The following KANK2 variants were observed in gnomAD, a reference collection of about 807,000 sequenced individuals.
KANK2 encodes the protein KN motif and ankyrin repeat domains 2, also known as KN motif and ankyrin repeat domain-containing protein 2.
KANK2 carries 41 observed loss-of-function variants against 74.6 expected under a neutral mutation model. That is an observed-to-expected ratio of 0.55 (90% CI 0.43 to 0.71). KANK2 has a LOEUF of 0.71. Among genes scored for constraint, KANK2 ranks in the 30% least tolerant of loss-of-function variants. The pLI, the probability that KANK2 is intolerant of heterozygous loss-of-function variation, is 0.00. For synonymous variants in KANK2, 537 were observed against 519.0 expected, an observed-to-expected ratio of 1.03 and a Z score of -0.47; for missense variants, 1,148 against 1,196.4, an observed-to-expected ratio of 0.96 and a Z score of 0.60.
At chr19:11,168,327 C>T (rs1350358344) in intron 12 of KANK2, among the ~76,000 whole-genome samples, 1 of 150,894 alleles carries the variant, frequency 6.6e-6, no homozygotes, top group African/African-American at 2.4e-5. Flanking sequence ...TTTTCCCAGA[C>T]AAGGCGGCAC....
chr19:11,175,347 G>A (rs1205957384), intron 8 of KANK2, among the ~76,000 whole-genome samples: 1 of 134,302 alleles, frequency 7.4e-6, no homozygotes, highest in African/African-American at 2.8e-5. Context: ...AGAATTGCTT[G>A]AACCTGGGAG....
chr19:11,184,271 G>A (rs1385132247), intron 4 of KANK2, among the ~76,000 whole-genome samples: 1 of 150,076 alleles, frequency 6.7e-6, no homozygotes, highest in Non-Finnish European at 1.5e-5. Flanking sequence ...AGCTACTCGG[G>A]AGGATGAGGC....
In KANK2 at chr19:11,193,119, G is replaced by T. The variant is rs753113059; in HGVS notation, c.961C>A (p.Pro321Thr). Residue 321 changes from proline to threonine, a missense_variant, in exon 4 of 13, where the codon CCG (proline) becomes ACG (threonine). By Grantham distance (38) the Pro-to-Thr change is conservative. Transcript: ENST00000586659. This position sits in a 1 kb window ranked among gnomAD's most constrained non-coding sequence, Gnocchi z 9.6. ...ADPQPQAWPP[P>T]DSPVRVDTVR... ...GTATCCACGCGGACCGGGCTGTCCG[G>T]CGGTGGCCAGGCCTGGGGCTGGGGG... is the stretch of plus-strand genomic sequence containing the variant. 5 of 1,606,036 alleles carry T rather than the reference G, an allele frequency of 3.1e-6. No individual in the cohort carries two copies. In the African/African-American group the frequency reaches 6.7e-5, roughly 21 times the overall value.
At chr19:11,182,561 A>AAAAC (rs766300556) in intron 4 of KANK2, among the ~76,000 whole-genome samples, 8 of 143,632 alleles carry the variant, frequency 5.6e-5, no homozygotes, top group African/African-American at 1.3e-4. Flanking sequence ...CAAAACAAAA[A>AAAAC]AGCCAGGCGC....
chr19:11,169,195 G>A (rs1045779350), intron 12 of KANK2, among the ~76,000 whole-genome samples: 1 of 152,016 alleles, frequency 6.6e-6, no homozygotes, highest in Non-Finnish European at 1.5e-5. Context: ...AAAATTAGCC[G>A]GGCATGGTGG....
At chr19:11,167,011 G>A (rs1275184578) in intron 12 of KANK2, among the ~76,000 whole-genome samples, 1 of 152,168 alleles carries the variant, frequency 6.6e-6, no homozygotes, top group Non-Finnish European at 1.5e-5. Flanking sequence ...ACAGTAGTGG[G>A]GAAGGTGAGG....
At position 11,182,310 on chromosome 19, in the gene KANK2, G is replaced by C. The variant is rs1041483400; in HGVS notation, c.1250-3590C>G. ...AGGCAGGAGGATCGCTTGAGGCCAG[G>C]AGTTCAAGACCAGCCTGGGCAACAT... On this transcript the variant is annotated intron_variant, in intron 4 of 12. Transcript: ENST00000586659. Among the ~76,000 whole-genome samples the C allele has an allele frequency of 2.0e-5, 3 of 151,816 alleles. No individual in the cohort carries two copies. In the South Asian group the frequency reaches 6.2e-4, roughly 32 times the overall value.
chr19:11,172,748 C>T (rs1325580210), intron 10 of KANK2, among the ~76,000 whole-genome samples: 7 of 152,190 alleles, frequency 4.6e-5, no homozygotes, highest in African/African-American at 1.4e-4. Flanking sequence ...AACCCAGCTG[C>T]TGCTCAATGA....
At chr19:11,195,306 G>A (rs1036685354) in intron 2 of KANK2, 3 of 152,238 alleles carry the variant, frequency 2.0e-5, no homozygotes, top group African/African-American at 7.2e-5. Flanking sequence ...AGGAAGTCCT[G>A]GGGGTGGAGG....
intron 10 of KANK2, 78 bp downstream of exon 10, chr19:11,172,903 G>C: frequency 6.6e-7 from 1 of 1,518,232 alleles, no homozygotes; most frequent in Non-Finnish European, 9.0e-7. Flanking sequence ...GACCACCTGG[G>C]TTTGGGCCTG....
rs1291608546 is a variant in KANK2 at position 11,170,629 on chromosome 19, G to T, written c.2212-381C>A. On this transcript the variant is annotated intron_variant, in intron 10 of 12. Coordinates refer to ENST00000586659, the MANE Select transcript of KANK2 (RefSeq NM_001136191.3). The surrounding 1 kb of genome is among the most constrained non-coding windows in gnomAD (Gnocchi z 5.2). Reference sequence around the variant, plus strand: ...TTTAGAGACAGGGTCTTGCTCTGTTGCCCAGGTTGGCGTGCAGTGGCACGA... The same window carrying T: ...TTTAGAGACAGGGTCTTGCTCTGTTTCCCAGGTTGGCGTGCAGTGGCACGA... 6.6e-6 allele frequency among the ~76,000 whole-genome samples: 1 copy of T among 152,152 alleles called. No homozygotes were observed. The highest frequency in any genetic ancestry group is 2.4e-5 in the African/African-American group (1 of 41,434).
At chr19:11,177,571 C>T (rs2078381888) in intron 6 of KANK2, among the ~76,000 whole-genome samples, 2 of 152,076 alleles carry the variant, frequency 1.3e-5, no homozygotes, top group Non-Finnish European at 2.9e-5. Flanking sequence ...AGGCTTGTCT[C>T]GAACTCCTGA....
At chr19:11,168,284 A>C (rs2078079566) in intron 12 of KANK2, among the ~76,000 whole-genome samples, 1 of 150,586 alleles carries the variant, frequency 6.6e-6, no homozygotes, top group South Asian at 2.1e-4. Context: ...GATTACAGGC[A>C]TGAGCCACCA....
At chr19:11,185,119 A>G (rs1393324166) in intron 4 of KANK2, among the ~76,000 whole-genome samples, 1 of 149,014 alleles carries the variant, frequency 6.7e-6, no homozygotes, top group East Asian at 2.0e-4. Flanking sequence ...AGCTTGCTGC[A>G]GCCTCAAAAT....
chr19:11,182,474 T>A (rs1473139707), intron 4 of KANK2, among the ~76,000 whole-genome samples: 1 of 151,210 alleles, frequency 6.6e-6, no homozygotes, highest in Non-Finnish European at 1.5e-5. Flanking sequence ...TACATTGAGC[T>A]ATGACAGCAC....
rs73925133 is a variant in KANK2 at position 11,194,220 on chromosome 19, C to T, written c.38-178G>A. 6.7e-3 allele frequency among the ~76,000 whole-genome samples: 1,016 copies of T among 152,160 alleles called. 9 individuals are homozygous for T. Among genetic ancestry groups the T allele is most frequent in the African/African-American group, 0.023 (941 of 41,502 alleles). On this transcript the variant is annotated intron_variant, in intron 3 of 12. Transcript: ENST00000586659. The stretch of plus-strand genomic sequence containing the variant: ...GGGCTATGCCTCCCCTTCAGACTCC[C>T]GGCGCTAGGCTATGTCGCCTCTCAA...
intron 4 of KANK2, among the ~76,000 whole-genome samples, chr19:11,191,410 C>T (rs1057222607): frequency 6.6e-6 from 1 of 152,220 alleles, no homozygotes; most frequent in Admixed American, 6.5e-5. Flanking sequence ...AGCTGACATT[C>T]TGCACAGCCG....
intron 12 of KANK2, among the ~76,000 whole-genome samples, chr19:11,169,319 T>C (rs534316149): frequency 7.9e-5 from 12 of 151,708 alleles, no homozygotes; most frequent in African/African-American, 2.2e-4. Flanking sequence ...GCCTGGGTGA[T>C]AGAACAAGAC....
rs2078904739 is a variant in KANK2, at chr19:11,193,133, T to C, written c.947A>G (p.Gln316Arg). Residue 316 changes from glutamine to arginine, a missense_variant, in exon 4 of 13, where the codon CAG becomes CGG. Coordinates refer to ENST00000586659, the MANE Select transcript of KANK2 (RefSeq NM_001136191.3). This position sits in a 1 kb window ranked among gnomAD's most constrained non-coding sequence, Gnocchi z 9.6. ...CGGGCTGTCCGGCGGTGGCCAGGCC[T>C]GGGGCTGGGGGTCAGCCTGCCGGGC... The part of the protein sequence containing the change: ...AQARQADPQP[Q>R]AWPPPDSPVR... The C allele has an allele frequency of 6.2e-7, 1 of 1,607,180 alleles. No homozygotes were observed. Among genetic ancestry groups the C allele is most frequent in the African/African-American group, 1.3e-5 (1 of 74,904 alleles).
Sources: gnomAD v4.1 joint callset for allele counts (sites outside exome capture counted in the v4.1 genomes callset) on GRCh38, gnomAD v4.1.1 for gene constraint, Gnocchi (gnomAD v3.1) non-coding constraint, MANE v1.5 for transcripts, NCBI Gene and HGNC (gene_info 2026-07-23, HGNC 2026-07-21) for gene names.